IZUMO2: variants seen among roughly 807,000 people sequenced by gnomAD.
IZUMO2 encodes the protein IZUMO family member 2, also known as izumo sperm-egg fusion protein 2.
Under a neutral mutation model 31.2 loss-of-function variants are expected in IZUMO2, and 24 were observed. The observed-to-expected ratio is 0.77, with a 90% CI of 0.56 to 1.08. The LOEUF (loss-of-function observed/expected upper bound fraction) is 1.08. IZUMO2 is among the 50% of genes least tolerant of loss of function. The pLI is 0.00. For synonymous variants in IZUMO2, 144 were observed against 117.3 expected (o/e 1.23, Z -1.47); for missense variants, 278 against 274.0 (o/e 1.01, Z -0.10).
chr19:50,153,032 G>T (rs1054170116), intron 6 of IZUMO2, among the ~76,000 whole-genome samples: 1 of 152,228 alleles, frequency 6.6e-6, no homozygotes, highest in African/African-American at 2.4e-5. Flanking sequence ...ACCTGGGAAT[G>T]TGACCTTAAT....
intron 6 of IZUMO2, chr19:50,153,548 T>TC (rs1427749013): frequency 2.6e-5 from 4 of 152,194 alleles, no homozygotes; most frequent in African/African-American, 7.2e-5. Flanking sequence ...ATGACTGTAA[T>TC]CCCAGCACTT....
chr19:50,157,200 A>G (rs528897608), intron 5 of IZUMO2, among the ~76,000 whole-genome samples: 1 of 152,134 alleles, frequency 6.6e-6, no homozygotes. Flanking sequence ...ACCCAAATGA[A>G]GTGAAGGAGT....
chr19:50,156,897 G>T (rs991908440), intron 5 of IZUMO2, among the ~76,000 whole-genome samples: 2 of 152,110 alleles, frequency 1.3e-5, no homozygotes, highest in African/African-American at 4.8e-5. Context: ...AATATTCTGG[G>T]GACAATTAAG....
At chr19:50,154,045 C>G (rs1236394307) in intron 6 of IZUMO2, among the ~76,000 whole-genome samples, 2 of 146,228 alleles carry the variant, frequency 1.4e-5, no homozygotes, top group African/African-American at 5.1e-5. Context: ...AAAGAGGCAG[C>G]GAGATAAGCT....
At position 50,159,200 on chromosome 19, in the gene IZUMO2, G is replaced by A. The variant is rs1012195729; in HGVS notation, c.415+30C>T. ...GGGTGAAGGGGGTTAGGAGGGTAGA[G>A]AAGGGAGAGATAGACGATCCAGAAC... On this transcript the variant is annotated intron_variant, in intron 4 of 6. Coordinates refer to ENST00000293405, the MANE Select transcript of IZUMO2 (RefSeq NM_152358.3). The A allele has an allele frequency of 3.1e-6, 5 of 1,606,164 alleles. No homozygotes were observed. The African/African-American group carries it at 5.3e-5, about 17-fold the overall frequency.
In IZUMO2 at chr19:50,161,385, G is replaced by C. The variant is rs143162215; in HGVS notation, c.307+1354C>G. ...GACCCACCGTCCTCAGCCTCCCAAA[G>C]TGCTGGGATTACAGGCGTGAGCCAC... On this transcript the variant is annotated intron_variant, in intron 2 of 6. Transcript: ENST00000293405. Among the ~76,000 whole-genome samples the C allele has an allele frequency of 3.6e-3, 543 of 152,256 alleles. 4 individuals carry two copies. The highest frequency in any genetic ancestry group is 0.013 in the African/African-American group (526 of 41,550).
In IZUMO2 at chr19:50,163,029, C is replaced by T. The variant is rs374769014; in HGVS notation, c.166G>A (p.Val56Met). Residue 56 changes from valine (V) to methionine (M), a missense_variant, in exon 1 of 7, where the codon GTG becomes ATG. Transcript: ENST00000293405. ...AAAGGCCCCTCCATGCCCATCAGCA[C>T]GGCCCCGGCGCGCGCCTGCAGCTGC... Reference protein sequence around the residue: ...LEQLQARAGAVLMGMEGPFFR... With the variant: ...LEQLQARAGAMLMGMEGPFFR... 3 of 1,612,500 alleles carry T rather than the reference C, an allele frequency of 1.9e-6. No individual in the cohort carries two copies. Among genetic ancestry groups the T allele is most frequent in the Non-Finnish European group, 2.5e-6 (3 of 1,179,030 alleles).
chr19:50,156,699 C>T (rs759785025), intron 5 of IZUMO2, among the ~76,000 whole-genome samples: 1 of 151,640 alleles, frequency 6.6e-6, no homozygotes, highest in East Asian at 1.9e-4. Flanking sequence ...CTGAGGTGGG[C>T]GAATCATTTG....
intron 4 of IZUMO2, among the ~76,000 whole-genome samples, chr19:50,158,899 G>A (rs2030302198): frequency 6.6e-6 from 1 of 152,138 alleles, no homozygotes; most frequent in Admixed American, 6.5e-5. Flanking sequence ...CTGGATCCCT[G>A]AGTCACCACC....
intron 6 of IZUMO2, among the ~76,000 whole-genome samples, chr19:50,153,975 C>T (rs1047487413): frequency 3.7e-5 from 4 of 108,128 alleles, no homozygotes; most frequent in Non-Finnish European, 7.0e-5. Context: ...GAAATTGAGA[C>T]GGAGAGGGGA....
chr19:50,162,147 G>A (rs1281166404), intron 2 of IZUMO2, among the ~76,000 whole-genome samples: 2 of 152,132 alleles, frequency 1.3e-5, no homozygotes, highest in Non-Finnish European at 2.9e-5. Context: ...GCCGGGCATG[G>A]TGGTGGGTGC....
At chr19:50,158,140 C>T in intron 5 of IZUMO2, 128 bp downstream of exon 5, 1 of 525,468 alleles carries the variant, frequency 1.9e-6, no homozygotes. Flanking sequence ...GGGCCACACT[C>T]TAAGCAAATG....
intron 2 of IZUMO2, among the ~76,000 whole-genome samples, chr19:50,161,128 T>C (rs761277287): frequency 0.023 from 2,719 of 116,972 alleles, 39 homozygotes; most frequent in Middle Eastern, 0.058. Context: ...TCCTTTTTCT[T>C]TTTTTTTTTT....
rs372989932 is a variant in IZUMO2, at chr19:50,158,261, A to T, written c.496+7T>A. ...TCCCATGTCTTCCCCCACCCCCAGA[A>T]GCTTACCAAAGCAGTACTTTTTGTG... is the stretch of plus-strand genomic sequence containing the variant. On this transcript the variant is annotated splice_region_variant and intron_variant, in intron 5 of 6. Coordinates refer to ENST00000293405, the MANE Select transcript of IZUMO2 (RefSeq NM_152358.3). 1 of 1,594,160 alleles carries T rather than the reference A, an allele frequency of 6.3e-7. No individual in the cohort carries two copies. The highest frequency in any genetic ancestry group is 1.3e-5 in the African/African-American group (1 of 74,288).
intron 6 of IZUMO2, 33 bp from the exon 7 acceptor site, chr19:50,152,684 T>A (rs1324883710): frequency 1.3e-6 from 2 of 1,582,250 alleles, no homozygotes; most frequent in Non-Finnish European, 1.7e-6. Context: ...TAGATTAGAA[T>A]GAGAATTTCA....
At chr19:50,158,922 C>T (rs1403695209) in intron 4 of IZUMO2, among the ~76,000 whole-genome samples, 1 of 152,148 alleles carries the variant, frequency 6.6e-6, no homozygotes, top group Non-Finnish European at 1.5e-5. Flanking sequence ...GACTGCCACT[C>T]AACTGTCAAT....
chr19:50,161,593 A>T (rs2030403133), intron 2 of IZUMO2, among the ~76,000 whole-genome samples: 3 of 152,064 alleles, frequency 2.0e-5, no homozygotes, highest in Admixed American at 1.3e-4. Flanking sequence ...ATGTTCTGTG[A>T]CTATGCCAAA....
rs1363622260 is a variant in IZUMO2, at chr19:50,163,263, G to A, written c.-69C>T. 1.2e-5 allele frequency: 14 copies of A among 1,126,724 alleles called. No homozygotes were observed. In the East Asian group the frequency reaches 3.1e-4, roughly 25 times the overall value. The allele number at this position is 1,126,724 out of a possible 1,614,324, so 69.8% of individuals were successfully genotyped here. ...GCCTCCCAGGCGAGGGCGCGGTCAG[G>A]AGGCCCAGGGAGCATCACGGTGTTA... On this transcript the variant is annotated 5_prime_UTR_variant, in exon 1 of 7. Coordinates refer to ENST00000293405, the MANE Select transcript of IZUMO2 (RefSeq NM_152358.3).
chr19:50,156,799 G>T (rs930502302), intron 5 of IZUMO2, among the ~76,000 whole-genome samples: 1 of 152,066 alleles, frequency 6.6e-6, no homozygotes, highest in Non-Finnish European at 1.5e-5. Context: ...AACTGTTCTA[G>T]ATTTTAAAAA....
Sources: allele counts gnomAD v4.1 joint callset (sites outside exome capture counted in the v4.1 genomes callset), GRCh38; gene constraint gnomAD v4.1.1; transcripts MANE v1.5; gene names NCBI Gene and HGNC (gene_info 2026-07-23, HGNC 2026-07-21).